Variants in CRMP1 observed in about 807,000 individuals in gnomAD.
CRMP1 encodes dihydropyrimidinase-related protein 1.
A neutral mutation model predicts 68.3 loss-of-function variants in CRMP1; 19 were observed. That is an observed-to-expected ratio of 0.28 (90% CI 0.19 to 0.41). The LOEUF (loss-of-function observed/expected upper bound fraction) is 0.41. Ranked by LOEUF, CRMP1 falls within the 10% of genes least tolerant of loss-of-function variation. CRMP1 has a pLI of 1.00. For synonymous variants in CRMP1, 439 were observed against 399.6 expected (o/e 1.10, Z -1.18); for missense variants, 791 against 967.4 (o/e 0.82, Z 2.42).
At position 5,840,774 on chromosome 4, in the gene CRMP1, G is replaced by A. The variant is rs577538376; in HGVS notation, c.1153+534C>T. 3.3e-4 allele frequency among the ~76,000 whole-genome samples: 50 copies of A among 152,242 alleles called. No individual in the cohort carries two copies. In the South Asian group the frequency reaches 5.8e-3, roughly 18 times the overall value. The stretch of plus-strand genomic sequence containing the variant: ...GATTTCTGTAACCTCTCTGAGCCCC[G>A]GTTTCCTTATCTTCAAAATGGAGCT... On this transcript the variant is annotated intron_variant, in intron 8 of 13. Coordinates refer to ENST00000324989, the MANE Select transcript of CRMP1 (RefSeq NM_001014809.3).
At chr4:5,887,548 A>C (rs775734387) in intron 1 of CRMP1, 1 of 984,860 alleles carries the variant, frequency 1.0e-6, no homozygotes, top group Non-Finnish European at 1.2e-6. Flanking sequence ...GGCCACACCC[A>C]GGGACGCAGC....
chr4:5,856,440 C>A, intron 3 of CRMP1, 133 bp from the exon 4 acceptor site: 4 of 685,062 alleles, frequency 5.8e-6, no homozygotes, highest in Non-Finnish European at 9.2e-6. Context: ...ATTATCACAC[C>A]ATCACCATTA....
At chr4:5,822,595 G>A (rs1374919462) in intron 13 of CRMP1, among the ~76,000 whole-genome samples, 3 of 151,970 alleles carry the variant, frequency 2.0e-5, no homozygotes, top group Non-Finnish European at 4.4e-5. Context: ...TAAAATTCTA[G>A]CAGCAAACCC....
chr4:5,824,790 A>C (rs972463708), intron 13 of CRMP1: 1 of 921,822 alleles, frequency 1.1e-6, no homozygotes, highest in African/African-American at 3.0e-5. Flanking sequence ...GCAACGCCTC[A>C]AAGAGTTTGC....
intron 8 of CRMP1, among the ~76,000 whole-genome samples, chr4:5,840,952 G>C (rs1711676228): frequency 6.9e-6 from 1 of 145,696 alleles, no homozygotes; most frequent in Admixed American, 6.7e-5. Flanking sequence ...TGGTTAGTCT[G>C]AACTGAGTTG....
Position 5,828,457 on chromosome 4 carries a change from G to A in CRMP1, c.1803+32C>T, listed in dbSNP as rs189952360. 2.4e-3 allele frequency: 3,851 copies of A among 1,603,048 alleles called. 6 individuals carry two copies. The highest frequency in any genetic ancestry group is 2.5e-3 in the Non-Finnish European group (2,963 of 1,172,134). ...GAGACGCTGTCGGCTCTGGTCCCACGGGTGGGCCCGCTCCCCTGCAGACAC... is the reference window on the plus strand; with the variant it reads ...GAGACGCTGTCGGCTCTGGTCCCACAGGTGGGCCCGCTCCCCTGCAGACAC... On this transcript the variant is annotated intron_variant, in intron 12 of 13. Transcript: ENST00000324989.
intron 11 of CRMP1, among the ~76,000 whole-genome samples, chr4:5,830,411 G>GACA (rs1163700916): frequency 1.3e-5 from 2 of 152,284 alleles, no homozygotes; most frequent in East Asian, 3.9e-4. Context: ...GTCTTGCTTA[G>GACA]CAAGATCCTT....
At chr4:5,839,950 C>G (rs114551941) in intron 8 of CRMP1, among the ~76,000 whole-genome samples, 6,868 of 152,284 alleles carry the variant, frequency 0.045, 162 homozygotes, top group Non-Finnish European at 0.049. Context: ...GTTGCTTTTA[C>G]GATTTGGACA....
In CRMP1 at chr4:5,853,425, C is replaced by T. The variant is rs1377154291; in HGVS notation, c.821-1956G>A. On this transcript the variant is annotated intron_variant, in intron 4 of 13. Transcript: ENST00000324989. The surrounding 1 kb of genome is among the most constrained non-coding windows in gnomAD (Gnocchi z 4.7). Reference sequence around the variant, plus strand: ...TCAGAAGGAAAGAAAGAAAGAGCTGCATCTAAGAGATAGCAAGTGTTGATG... The same window carrying T: ...TCAGAAGGAAAGAAAGAAAGAGCTGTATCTAAGAGATAGCAAGTGTTGATG... Among the ~76,000 whole-genome samples the T allele has an allele frequency of 6.6e-6, 1 of 152,134 alleles. No individual in the cohort carries two copies. Among genetic ancestry groups the T allele is most frequent in the East Asian group, 1.9e-4 (1 of 5,182 alleles).
In CRMP1 at chr4:5,888,300, C is replaced by T. The variant is rs1371144568; in HGVS notation, c.381+4289G>A. 5.6e-6 allele frequency: 7 copies of T among 1,255,820 alleles called. No individual in the cohort carries two copies. Among genetic ancestry groups the T allele is most frequent in the Non-Finnish European group, 6.0e-6 (6 of 994,560 alleles). The allele number at this position is 1,255,820 out of a possible 1,614,324, so 77.8% of individuals were successfully genotyped here. On this transcript the variant is annotated intron_variant, in intron 1 of 13. Transcript: ENST00000324989. This position sits in a 1 kb window ranked among gnomAD's most constrained non-coding sequence, Gnocchi z 6.4. ...CTGGCGCCCTCGGCCCGGCCGCTGACCTGCGGGGCTGTCTGACTGGAACCG... is the reference window on the plus strand; with the variant it reads ...CTGGCGCCCTCGGCCCGGCCGCTGATCTGCGGGGCTGTCTGACTGGAACCG...
At chr4:5,868,275 A>ATC (rs1714158543) in intron 1 of CRMP1, among the ~76,000 whole-genome samples, 3 of 77,660 alleles carry the variant, frequency 3.9e-5, no homozygotes, top group South Asian at 3.8e-4. Flanking sequence ...ATATATATAT[A>ATC]TATATATATA....
intron 8 of CRMP1, 144 bp from the exon 9 acceptor site, chr4:5,839,822 G>T: frequency 1.0e-6 from 1 of 978,198 alleles, no homozygotes; most frequent in Non-Finnish European, 1.5e-6. Flanking sequence ...AGGCATCACC[G>T]CCTGCACCGC....
chr4:5,889,960 T>G lies in CRMP1; in HGVS notation c.381+2629A>C, dbSNP rs772609643. The G allele has an allele frequency of 1.0e-5, 13 of 1,302,778 alleles. No individual in the cohort carries two copies. The highest frequency in any genetic ancestry group is 1.3e-5 in the Non-Finnish European group (13 of 1,016,742). The allele number at this position is 1,302,778 out of a possible 1,614,324, so 80.7% of individuals were successfully genotyped here. A position where few individuals can be genotyped will look rare whatever the true frequency, so the allele number is the denominator to read the frequency against. On this transcript the variant is annotated intron_variant, in intron 1 of 13. Transcript: ENST00000324989. The surrounding 1 kb of genome is among the most constrained non-coding windows in gnomAD (Gnocchi z 4.5). ...GAAATTGAGGCTTACAGAGGTAAAA[T>G]GATGTACCCCGGGTGCAAAACATAT...
Position 5,860,888 on chromosome 4 carries a change from G to T in CRMP1, c.655+138C>A. 1 of 826,996 alleles carries T rather than the reference G, an allele frequency of 1.2e-6. No individual in the cohort carries two copies. Among genetic ancestry groups the T allele is most frequent in the Non-Finnish European group, 1.8e-6 (1 of 542,016 alleles). The allele number at this position is 826,996 out of a possible 1,614,324, so 51.2% of individuals were successfully genotyped here. ...TATGCTCTGTAAAACAGTGACCTGT[G>T]TCATAGGGCTGGGGGGAGAATGAAA... On this transcript the variant is annotated intron_variant, in intron 3 of 13. Transcript: ENST00000324989. This position sits in a 1 kb window ranked among gnomAD's most constrained non-coding sequence, Gnocchi z 4.2.
intron 1 of CRMP1, among the ~76,000 whole-genome samples, chr4:5,867,239 G>C (rs1714059853): frequency 6.6e-6 from 1 of 152,134 alleles, no homozygotes; most frequent in Admixed American, 6.5e-5. Context: ...TGGTCTCATA[G>C]ACGTCTTTTT....
In CRMP1 at chr4:5,841,621, G is replaced by A. The variant is rs183202479; in HGVS notation, c.1033-193C>T. On this transcript the variant is annotated intron_variant, in intron 7 of 13. Coordinates refer to ENST00000324989, the MANE Select transcript of CRMP1 (RefSeq NM_001014809.3). The surrounding 1 kb of genome is among the most constrained non-coding windows in gnomAD (Gnocchi z 6.9). ...GAGCATTGGTCTCACGCTGGGATAC[G>A]GCAGCAACATCCAAGCGCTATACAA... is the stretch of plus-strand genomic sequence containing the variant. Among the ~76,000 whole-genome samples the A allele has an allele frequency of 1.2e-4, 18 of 152,298 alleles. No individual in the cohort carries two copies. The highest frequency in any genetic ancestry group is 3.4e-4 in the African/African-American group (14 of 41,570).
intron 12 of CRMP1, among the ~76,000 whole-genome samples, chr4:5,827,682 G>A (rs1002202720): frequency 6.6e-6 from 1 of 151,536 alleles, no homozygotes; most frequent in Non-Finnish European, 1.5e-5. Flanking sequence ...ACACGTGCAT[G>A]CATGTACACA....
Position 5,856,128 on chromosome 4 carries a change from G to A in CRMP1, c.820+15C>T, listed in dbSNP as rs374884040. 7.4e-5 allele frequency: 120 copies of A among 1,612,800 alleles called. No individual in the cohort carries two copies. The highest frequency in any genetic ancestry group is 9.8e-5 in the Non-Finnish European group (115 of 1,179,418). On this transcript the variant is annotated intron_variant, in intron 4 of 13. Transcript: ENST00000324989. ...AAGGGATTCCCCAAAACCCCGTTCC[G>A]AGGCTTTAACTGACCTTTGTCCTGC...
At chr4:5,845,304 G>C (rs950834559) in intron 6 of CRMP1, among the ~76,000 whole-genome samples, 3 of 152,162 alleles carry the variant, frequency 2.0e-5, no homozygotes, top group African/African-American at 7.2e-5. Context: ...TGTCACTCCC[G>C]AGGTCAGGTT....
Sources: gnomAD v4.1 joint callset for allele counts (sites outside exome capture counted in the v4.1 genomes callset) on GRCh38, gnomAD v4.1.1 for gene constraint, Gnocchi (gnomAD v3.1) non-coding constraint, MANE v1.5 for transcripts, NCBI Gene and HGNC (gene_info 2026-07-23, HGNC 2026-07-21) for gene names.